Variants in AGBL2 observed in about 807,000 individuals in gnomAD.
AGBL2 encodes cytosolic carboxypeptidase 2.
In AGBL2, 87 loss-of-function variants were observed where a neutral mutation model predicts 103.0. That is an observed-to-expected ratio of 0.84 (90% confidence interval 0.71 to 1.01). AGBL2 has a LOEUF of 1.01. Ranked by LOEUF, AGBL2 falls within the 50% of genes least tolerant of loss-of-function variation. AGBL2 has a pLI of 0.00. For synonymous variants in AGBL2, 335 were observed against 356.7 expected, an observed-to-expected ratio of 0.94 and a Z score of 0.69; for missense variants, 904 against 1,023.5, an observed-to-expected ratio of 0.88 and a Z score of 1.59.
At chr11:47,697,720 G>C (rs2097481482) in intron 8 of AGBL2, among the ~76,000 whole-genome samples, 1 of 149,766 alleles carries the variant, frequency 6.7e-6, no homozygotes, top group Non-Finnish European at 1.5e-5. Flanking sequence ...TATTTTTTTT[G>C]TATTTTTAGT....
At chr11:47,704,342 T>C (rs1361589292) in intron 7 of AGBL2, among the ~76,000 whole-genome samples, 4 of 151,732 alleles carry the variant, frequency 2.6e-5, no homozygotes, top group Non-Finnish European at 5.9e-5. Context: ...TAGCTGGGCG[T>C]GGTGGTGTGC....
At chr11:47,699,970 T>C (rs2097491675) in intron 7 of AGBL2, among the ~76,000 whole-genome samples, 1 of 143,350 alleles carries the variant, frequency 7.0e-6, no homozygotes, top group Non-Finnish European at 1.6e-5. Flanking sequence ...TTCTTTCTTT[T>C]TTTTTGAGAT....
intron 8 of AGBL2, 134 bp downstream of exon 8, chr11:47,699,312 G>T: frequency 2.1e-6 from 1 of 486,324 alleles, no homozygotes; most frequent in Middle Eastern, 5.4e-4. Context: ...CCTCCTCCAG[G>T]CTCCCACTCA....
chr11:47,690,226 A>G lies in AGBL2; in HGVS notation c.1481T>C (p.Val494Ala). 1 of 1,614,178 alleles carries G rather than the reference A, an allele frequency of 6.2e-7. No homozygotes were observed. Among genetic ancestry groups the G allele is most frequent in the Non-Finnish European group, 8.5e-7 (1 of 1,180,046 alleles). The change falls in exon 10 of 19, where the codon GTC becomes GCC. Residue 494 changes from valine (V) to alanine (A), a missense_variant. Coordinates refer to ENST00000525123, the MANE Select transcript of AGBL2 (RefSeq NM_024783.4). ...PDAQLLRDIF[V>A]FKVLPMLNPD... ...ATTTAACATGGGAAGCACCTTGAAG[A>G]CAAAAATATCTCTGAGGAGCTGGGC...
chr11:47,701,010 G>A (rs958975900), intron 7 of AGBL2, among the ~76,000 whole-genome samples: 4 of 151,190 alleles, frequency 2.6e-5, no homozygotes, highest in Non-Finnish European at 5.9e-5. Flanking sequence ...GAGCTGACGC[G>A]GTGCCACCGC....
chr11:47,698,966 C>CAAA (rs5791781), intron 8 of AGBL2, among the ~76,000 whole-genome samples: 1 of 117,568 alleles, frequency 8.5e-6, no homozygotes, highest in Non-Finnish European at 1.8e-5. Flanking sequence ...GTAGGAATGG[C>CAAA]AAAAAAAAAA....
At position 47,705,641 on chromosome 11, in the gene AGBL2, CAAAAAAA is replaced by C; in HGVS notation, c.287-14_287-8del. ...CCCAGGCAAGAGTGAAAGTCTGTGTCAAAAAAAAAAAAAAAAGAAAAAGAAAAAGAAG... is the reference window on the plus strand; with the variant it reads ...CCCAGGCAAGAGTGAAAGTCTGTGTCAAAAAAAAAGAAAAAGAAAAAGAAG... On this transcript the variant is annotated splice_polypyrimidine_tract_variant and splice_region_variant and intron_variant, in intron 5 of 18. Transcript: ENST00000525123. 4.9e-6 allele frequency: 2 copies of C among 411,080 alleles called. No homozygotes were observed. The highest frequency in any genetic ancestry group is 8.5e-6 in the Non-Finnish European group (2 of 235,094). 25.5% of individuals were successfully genotyped at this position (411,080 alleles called of 1,614,324 possible). A position where few individuals can be genotyped will look rare whatever the true frequency, so the allele number is the denominator to read the frequency against.
At position 47,714,225 on chromosome 11, in the gene AGBL2, C is replaced by G. The variant is rs183610669; in HGVS notation, c.97+59G>C. The G allele has an allele frequency of 2.5e-4, 346 of 1,362,482 alleles. 5 individuals carry two copies. In the Admixed American group the frequency reaches 6.0e-3, roughly 24 times the overall value. 84.4% of individuals were successfully genotyped at this position (1,362,482 alleles called of 1,614,324 possible). A position where few individuals can be genotyped will look rare whatever the true frequency, so the allele number is the denominator to read the frequency against. ...ACCCAAGTGCAACCCTCCCAGCTAA[C>G]GAAGCAATTTTCCTCTTGAGTCCAG... On this transcript the variant is annotated intron_variant, in intron 3 of 18. Coordinates refer to ENST00000525123, the MANE Select transcript of AGBL2 (RefSeq NM_024783.4).
At chr11:47,688,293 T>C (rs2097432089) in intron 10 of AGBL2, among the ~76,000 whole-genome samples, 1 of 151,908 alleles carries the variant, frequency 6.6e-6, no homozygotes, top group African/African-American at 2.4e-5. Context: ...AAAGGGGTGG[T>C]GGGTAGCCTT....
intron 9 of AGBL2, among the ~76,000 whole-genome samples, chr11:47,691,834 A>G (rs1245070191): frequency 6.9e-6 from 1 of 144,816 alleles, no homozygotes; most frequent in Non-Finnish European, 1.5e-5. Context: ...TGCATCTAGG[A>G]AGTATGACTA....
intron 13 of AGBL2, 43 bp from the exon 14 acceptor site, chr11:47,677,444 T>TTTTA (rs773377857): frequency 8.0e-7 from 1 of 1,251,166 alleles, no homozygotes; most frequent in African/African-American, 1.6e-5. Context: ...ATTCATTTTA[T>TTTTA]TTTATTTATT....
intron 18 of AGBL2, among the ~76,000 whole-genome samples, chr11:47,661,036 T>C (rs1403166690): frequency 6.6e-6 from 1 of 152,162 alleles, no homozygotes; most frequent in East Asian, 1.9e-4. Context: ...GTTACACAAG[T>C]ATCACACTAT....
intron 7 of AGBL2, among the ~76,000 whole-genome samples, chr11:47,700,031 C>T (rs2097491980): frequency 6.6e-6 from 1 of 151,868 alleles, no homozygotes; most frequent in African/African-American, 2.4e-5. Context: ...AATCTCGGCT[C>T]ACCGCAACCT....
chr11:47,669,016 TCTA>T, intron 14 of AGBL2, 109 bp from the exon 15 acceptor site: 1 of 712,790 alleles, frequency 1.4e-6, no homozygotes, highest in East Asian at 2.6e-5. Flanking sequence ...TATCTTCTAG[TCTA>T]CTATTTCTCT....
rs1181827736 is a variant in AGBL2, at chr11:47,666,971, G to T, written c.2433C>A (p.Asn811Lys). The change falls in exon 17 of 19, where the codon AAC (asparagine) becomes AAA (lysine). Residue 811 changes from asparagine (N) to lysine (K), a missense_variant. Physicochemically the swap from Asn to Lys is moderately conservative, Grantham distance 94. Coordinates refer to ENST00000525123, the MANE Select transcript of AGBL2 (RefSeq NM_024783.4). ...NSSFLPMKNE[N>K]PRLNETNLNR... is the part of the protein sequence containing the mutation. Reference sequence around the variant, plus strand: ...AAAATACTACCTCATTTAACCTTGGGTTTTCATTTTTCATTGGTAAAAAAC... The same window carrying T: ...AAAATACTACCTCATTTAACCTTGGTTTTTCATTTTTCATTGGTAAAAAAC... The T allele has an allele frequency of 2.5e-6, 4 of 1,612,076 alleles. No individual in the cohort carries two copies. The highest frequency in any genetic ancestry group is 1.7e-6 in the Non-Finnish European group (2 of 1,178,714).
Position 47,668,827 on chromosome 11 carries a change from A to C in AGBL2, c.2214+14T>G. ...TTAAGGCTGCTATTTCCTGGGTATA[A>C]GAGTTCAGCTTACCTCATCTGCTAT... On this transcript the variant is annotated intron_variant, in intron 15 of 18. Transcript: ENST00000525123. The C allele has an allele frequency of 2.5e-6, 4 of 1,607,982 alleles. No homozygotes were observed. Among genetic ancestry groups the C allele is most frequent in the Non-Finnish European group, 3.4e-6 (4 of 1,174,766 alleles).
At position 47,685,874 on chromosome 11, in the gene AGBL2, A is replaced by G. The variant is rs2097421497; in HGVS notation, c.1788+19T>C. ...CATGTCCCTAACTCAATGGAGAGAA[A>G]ATTACATTATGTGCTTACCTTATCT... On this transcript the variant is annotated intron_variant, in intron 11 of 18. Transcript: ENST00000525123. 2.5e-6 allele frequency: 4 copies of G among 1,609,826 alleles called. No homozygotes were observed. The African/African-American group carries it at 4.0e-5, about 16-fold the overall frequency.
intron 17 of AGBL2, 100 bp from the exon 18 acceptor site, chr11:47,663,212 T>G: frequency 2.8e-6 from 2 of 724,036 alleles, no homozygotes; most frequent in Non-Finnish European, 4.6e-6. Context: ...TACATGTTGA[T>G]TCATTGTGAT....
intron 4 of AGBL2, among the ~76,000 whole-genome samples, chr11:47,707,742 TA>T (rs767915122): frequency 1.8e-4 from 27 of 152,170 alleles, no homozygotes; most frequent in Admixed American, 5.2e-4. Context: ...TAACCTACAC[TA>T]CGTATAAGTT....
Sources: gnomAD v4.1 joint callset for allele counts (sites outside exome capture counted in the v4.1 genomes callset) on GRCh38, gnomAD v4.1.1 for gene constraint, MANE v1.5 for transcripts, NCBI Gene and HGNC (gene_info 2026-07-23, HGNC 2026-07-21) for gene names.